Variants in ARHGAP32 observed in about 807,000 individuals in gnomAD.
ARHGAP32 encodes Rho GTPase activating protein 32.
In ARHGAP32, 51 loss-of-function variants were observed where a neutral mutation model predicts 186.5. That is an observed-to-expected ratio of 0.27 (90% confidence interval 0.22 to 0.35). ARHGAP32 has a LOEUF of 0.35. ARHGAP32 is among the 10% of genes least tolerant of loss of function. The pLI is 1.00. For synonymous variants in ARHGAP32, 950 were observed against 964.3 expected, an observed-to-expected ratio of 0.99 and a Z score of 0.27; for missense variants, 2,186 against 2,623.5, an observed-to-expected ratio of 0.83 and a Z score of 3.64.
Position 128,973,332 on chromosome 11 carries a change from C to T in ARHGAP32, c.3174G>A (p.Ala1058=), listed in dbSNP as rs140745828. ...PPPKNVARML[A]LALAESAQQA... ...GCTGTGCGGACTCAGCTAATGCTAG[C>T]GCCAACATTCGGGCAACATTTTTCG... is the stretch of plus-strand genomic sequence containing the variant. The change falls in exon 22 of 23, where the codon GCG becomes GCA. Residue 1058 remains alanine, a synonymous_variant. Coordinates refer to ENST00000682385, the MANE Select transcript of ARHGAP32 (RefSeq NM_001378024.1). 1.3e-4 allele frequency: 207 copies of T among 1,614,044 alleles called. No homozygotes were observed. The highest frequency in any genetic ancestry group is 1.6e-4 in the Non-Finnish European group (191 of 1,180,034).
At chr11:129,010,609 C>T (rs1938034712) in intron 11 of ARHGAP32, among the ~76,000 whole-genome samples, 1 of 152,062 alleles carries the variant, frequency 6.6e-6, no homozygotes, top group Non-Finnish European at 1.5e-5. Context: ...TGTAGGTGTG[C>T]AATCTTATTT....
At chr11:129,129,372 G>A (rs575597402) in intron 2 of ARHGAP32, among the ~76,000 whole-genome samples, 1 of 151,848 alleles carries the variant, frequency 6.6e-6, no homozygotes, top group East Asian at 2.0e-4. Context: ...TCTGGGAAGT[G>A]AGGAGCCCCT....
chr11:129,174,348 G>T (rs549079890), intron 1 of ARHGAP32, among the ~76,000 whole-genome samples: 1 of 152,186 alleles, frequency 6.6e-6, no homozygotes, highest in Non-Finnish European at 1.5e-5. Flanking sequence ...ACTGCTAGGC[G>T]GCAGCAAGGC....
chr11:129,027,900 T>G (rs890899241), intron 11 of ARHGAP32, among the ~76,000 whole-genome samples: 2 of 152,230 alleles, frequency 1.3e-5, no homozygotes, highest in East Asian at 1.9e-4. Flanking sequence ...GCACTTAGTA[T>G]GCACTCGATA....
intron 11 of ARHGAP32, among the ~76,000 whole-genome samples, chr11:129,018,866 A>G (rs1332698692): frequency 6.6e-6 from 1 of 152,224 alleles, no homozygotes; most frequent in Non-Finnish European, 1.5e-5. Context: ...TATTCTATAG[A>G]AAAATATACC....
At chr11:129,090,200 T>C (rs1458101270) in intron 6 of ARHGAP32, among the ~76,000 whole-genome samples, 1 of 152,220 alleles carries the variant, frequency 6.6e-6, no homozygotes, top group Non-Finnish European at 1.5e-5. Context: ...CTCCCACTCC[T>C]GTAGTTAACA....
At chr11:129,189,743 A>C (rs1279063256) in intron 1 of ARHGAP32, among the ~76,000 whole-genome samples, 1 of 152,164 alleles carries the variant, frequency 6.6e-6, no homozygotes, top group African/African-American at 2.4e-5. Context: ...GTTAATAAAA[A>C]GGATCCTTTC....
rs1940244691 is a variant in ARHGAP32 at position 129,056,131 on chromosome 11, T to C, written c.963+6149A>G. On this transcript the variant is annotated intron_variant, in intron 10 of 22. Coordinates refer to ENST00000682385, the MANE Select transcript of ARHGAP32 (RefSeq NM_001378024.1). ...AGCTGATGGTTGGTAAAGATCAGCA[T>C]TTTGCTGATTCTATTCAATGTACTG... Among the ~76,000 whole-genome samples the C allele has an allele frequency of 2.0e-5, 3 of 152,300 alleles. No individual in the cohort carries two copies. In the South Asian group the frequency reaches 6.2e-4, roughly 32 times the overall value.
In ARHGAP32 at chr11:128,974,416, CACTGAA is replaced by C; in HGVS notation, c.2775_2780del (p.Ile925_Val927delinsMet). 1 of 1,614,124 alleles carries C rather than the reference CACTGAA, an allele frequency of 6.2e-7. No individual in the cohort carries two copies. The highest frequency in any genetic ancestry group is 8.5e-7 in the Non-Finnish European group (1 of 1,179,994). On this transcript the variant is annotated inframe_deletion, in exon 21 of 23. Transcript: ENST00000682385. ...CTTCTGACACCCGTGGTGGTAGGGT[CACTGAA>C]ATTGGCTCAGATATGCTCATAGAAG...
upstream of ARHGAP32, among the ~76,000 whole-genome samples, chr11:129,193,710 T>TTATATATTA (rs1491184832): frequency 4.8e-4 from 18 of 37,244 alleles, no homozygotes; most frequent in South Asian, 3.0e-3. Context: ...ATAATATATA[T>TTATATATTA]TATATATTAT....
At chr11:129,270,496 T>C (rs1489881579) in intron 1 of ARHGAP32, among the ~76,000 whole-genome samples, 2 of 146,570 alleles carry the variant, frequency 1.4e-5, no homozygotes, top group African/African-American at 5.0e-5. Context: ...AGAGTCAGTC[T>C]TTTTTTTTTT....
intron 10 of ARHGAP32, among the ~76,000 whole-genome samples, chr11:129,052,728 G>C (rs1277447354): frequency 6.6e-6 from 1 of 151,604 alleles, no homozygotes; most frequent in Non-Finnish European, 1.5e-5. Flanking sequence ...AGGATAACAA[G>C]GTCTTCACAT....
chr11:129,037,302 G>A (rs931088802), intron 11 of ARHGAP32, among the ~76,000 whole-genome samples: 4 of 151,902 alleles, frequency 2.6e-5, no homozygotes, highest in African/African-American at 9.7e-5. Context: ...TTCAGGACCA[G>A]CCTATGCAAC....
At chr11:129,096,344 G>C (rs2135281626) in intron 5 of ARHGAP32, among the ~76,000 whole-genome samples, 1 of 152,276 alleles carries the variant, frequency 6.6e-6, no homozygotes, top group African/African-American at 2.4e-5. Flanking sequence ...AGACTCACCA[G>C]GAATCGATCT....
At chr11:129,177,946 A>G (rs1943957625) in intron 1 of ARHGAP32, among the ~76,000 whole-genome samples, 1 of 152,118 alleles carries the variant, frequency 6.6e-6, no homozygotes, top group Non-Finnish European at 1.5e-5. Context: ...GGCCAGGGCA[A>G]TTAGGCAGGA....
At position 128,972,668 on chromosome 11, in the gene ARHGAP32, T is replaced by C. The variant is rs765544275; in HGVS notation, c.3838A>G (p.Thr1280Ala). The change falls in exon 22 of 23, where the codon ACT (threonine) becomes GCT (alanine). Residue 1280 changes from threonine to alanine, a missense_variant. This residue lies in a region of ARHGAP32 where 1,502 missense variants were observed against 1,570.0 expected (regional missense o/e 0.96). Coordinates refer to ENST00000682385, the MANE Select transcript of ARHGAP32 (RefSeq NM_001378024.1). ...TSTATMTYMT[T>A]TPATAQMSTK... ...CTCATTTGGGCTGTTGCTGGAGTAG[T>C]TGTCATGTAAGTCATGGTGGCTGTG... is the stretch of plus-strand genomic sequence containing the variant. 4 of 1,613,916 alleles carry C rather than the reference T, an allele frequency of 2.5e-6. No homozygotes were observed. Among genetic ancestry groups the C allele is most frequent in the East Asian group, 2.2e-5 (1 of 44,884 alleles).
chr11:129,116,440 G>C (rs1434191871), intron 5 of ARHGAP32, among the ~76,000 whole-genome samples: 1 of 151,932 alleles, frequency 6.6e-6, no homozygotes, highest in Non-Finnish European at 1.5e-5. Context: ...CTCCTGAAAG[G>C]ACAATGATTT....
In ARHGAP32 at chr11:129,263,234, G is replaced by C. The variant is rs1210248212; in HGVS notation, c.-5+15912C>G. Among the ~76,000 whole-genome samples the C allele has an allele frequency of 2.0e-5, 3 of 151,988 alleles. No individual in the cohort carries two copies. The South Asian group carries it at 6.2e-4, about 32-fold the overall frequency. On this transcript the variant is annotated intron_variant, in intron 1 of 6. Coordinates refer to the ARHGAP32 transcript ENST00000525234. ...CACAGGCAATAGGAAAAATAAACTA[G>C]ACAACATTAATATTAAAATGTTTGT...
chr11:129,192,179 C>T lies in ARHGAP32; in HGVS notation c.20G>A (p.Ser7Asn), dbSNP rs1477590181. 1.2e-6 allele frequency: 2 copies of T among 1,612,664 alleles called. No homozygotes were observed. Among genetic ancestry groups the T allele is most frequent in the East Asian group, 2.2e-5 (1 of 44,884 alleles). Residue 7 changes from serine to asparagine, a missense_variant, in exon 1 of 23, where the codon AGT becomes AAT. Transcript: ENST00000682385. METESE[S>N]STLGDDSVFW... ...GACACTGTCATCCCCTAAAGTGCTACTCTCACTTTCAGTCTCCATCTTGTA... is the reference window on the plus strand; with the variant it reads ...GACACTGTCATCCCCTAAAGTGCTATTCTCACTTTCAGTCTCCATCTTGTA...
Sources: allele counts gnomAD v4.1 joint callset (sites outside exome capture counted in the v4.1 genomes callset), GRCh38; gene constraint gnomAD v4.1.1; regional missense constraint gnomAD v4.1.1; transcripts MANE v1.5; gene names NCBI Gene and HGNC (gene_info 2026-07-23, HGNC 2026-07-21).